Variants in GPHN observed in about 807,000 individuals in gnomAD.
The protein encoded by GPHN is gephyrin.
GPHN carries 17 observed loss-of-function variants against 95.5 expected under a neutral mutation model. The ratio of observed to expected loss-of-function variants is 0.18; its 90% CI spans 0.12 to 0.27. The LOEUF is 0.27. Among genes scored for constraint, GPHN ranks in the 10% least tolerant of loss-of-function variants. The pLI, the probability that GPHN is intolerant of heterozygous loss-of-function variation, is 1.00. For synonymous variants in GPHN, 320 were observed against 322.5 expected (o/e 0.99, Z 0.08); for missense variants, 660 against 978.1 (o/e 0.67, Z 4.34).
chr14:67,187,916 C>T, the GPHN span, among the ~76,000 whole-genome samples: 5 of 152,170 alleles, frequency 3.3e-5, no homozygotes, highest in African/African-American at 4.8e-5. Flanking sequence ...CTGAAATAAT[C>T]TGTTTACATG....
chr14:67,612,327 T>C, the GPHN span, among the ~76,000 whole-genome samples: 4 of 152,220 alleles, frequency 2.6e-5, no homozygotes, highest in Non-Finnish European at 5.9e-5. Flanking sequence ...TATGTAAATA[T>C]GTGCTGGGAG....
the GPHN span, among the ~76,000 whole-genome samples, chr14:67,306,096 A>G: frequency 1.3e-5 from 2 of 152,112 alleles, no homozygotes; most frequent in African/African-American, 4.8e-5. Context: ...CAGCCTCCCT[A>G]GTAGCTGAGA....
the GPHN span, among the ~76,000 whole-genome samples, chr14:67,427,463 C>A: frequency 6.6e-6 from 1 of 152,132 alleles, no homozygotes; most frequent in Non-Finnish European, 1.5e-5. Flanking sequence ...TGAAGCAGGC[C>A]ACCTTTGTCA....
At chr14:66,761,612 G>A (rs532969882) in intron 2 of GPHN, among the ~76,000 whole-genome samples, 66 of 151,958 alleles carry the variant, frequency 4.3e-4, no homozygotes, top group South Asian at 1.9e-3. Flanking sequence ...TCTTTGCCTG[G>A]AGTGACACTA....
chr14:67,513,257 C>T, the GPHN span, among the ~76,000 whole-genome samples: 1,377 of 152,318 alleles, frequency 9.0e-3, 9 homozygotes, highest in Middle Eastern at 0.048. Flanking sequence ...TTGGGACAAA[C>T]CAATAAAGCC....
At chr14:67,387,234 C>CAAAG in the GPHN span, 1 of 1,254,140 alleles carries the variant, frequency 8.0e-7, no homozygotes, top group African/African-American at 1.5e-5. Context: ...ACAAAACTTA[C>CAAAG]AAAGAAGTCA....
the GPHN span, chr14:67,201,548 G>A: frequency 6.6e-6 from 3 of 455,818 alleles, no homozygotes; most frequent in South Asian, 4.6e-5. Context: ...GTTTTCCAGG[G>A]TTGGAGGATA....
intron 3 of GPHN, among the ~76,000 whole-genome samples, chr14:66,784,679 T>C (rs2059711279): frequency 6.6e-6 from 1 of 152,188 alleles, no homozygotes; most frequent in Non-Finnish European, 1.5e-5. Context: ...TGGTAAGTTA[T>C]ATCTGTATAT....
the GPHN span, among the ~76,000 whole-genome samples, chr14:67,497,863 T>C: frequency 1.2e-3 from 184 of 152,012 alleles, 3 homozygotes; most frequent in East Asian, 0.026. Flanking sequence ...GGTGAGTCTA[T>C]GTAAAGGTTC....
chr14:67,726,364 A>G, the GPHN span, among the ~76,000 whole-genome samples: 1 of 152,180 alleles, frequency 6.6e-6, no homozygotes, highest in African/African-American at 2.4e-5. Context: ...AAGAAGCCCC[A>G]AATTTCAGGA....
chr14:67,671,177 T>G, the GPHN span, among the ~76,000 whole-genome samples: 1 of 152,186 alleles, frequency 6.6e-6, no homozygotes, highest in African/African-American at 2.4e-5. Flanking sequence ...TCTAGGGATA[T>G]GTATATATTT....
At chr14:66,888,922 C>A (rs1080053) in intron 5 of GPHN, among the ~76,000 whole-genome samples, 1 of 151,814 alleles carries the variant, frequency 6.6e-6, no homozygotes, top group Non-Finnish European at 1.5e-5. Context: ...CAAAAGCGAA[C>A]CATGGTGGCT....
At chr14:67,324,523 T>C in the GPHN span, among the ~76,000 whole-genome samples, 1 of 152,184 alleles carries the variant, frequency 6.6e-6, no homozygotes, top group Non-Finnish European at 1.5e-5. Flanking sequence ...TCCTTAAAGA[T>C]AGTCATTAAA....
At chr14:66,771,810 G>A (rs2059188226) in intron 2 of GPHN, among the ~76,000 whole-genome samples, 1 of 143,522 alleles carries the variant, frequency 7.0e-6, no homozygotes, top group South Asian at 2.2e-4. Flanking sequence ...GCACCTATGA[G>A]TGAGAATATG....
intron 11 of GPHN, among the ~76,000 whole-genome samples, chr14:67,069,650 G>A (rs752911275): frequency 6.6e-6 from 1 of 152,152 alleles, no homozygotes; most frequent in Non-Finnish European, 1.5e-5. Context: ...AAATAAAAAA[G>A]CTTACAGCTT....
the GPHN span, among the ~76,000 whole-genome samples, chr14:67,645,145 T>G: frequency 1.2e-4 from 18 of 152,156 alleles, no homozygotes; most frequent in African/African-American, 4.3e-4. Context: ...TGGTGAGTCG[T>G]TACCTATAGA....
At chr14:67,222,041 A>G in the GPHN span, 1 of 491,232 alleles carries the variant, frequency 2.0e-6, no homozygotes, top group Non-Finnish European at 3.5e-6. Context: ...TTACTACTTC[A>G]GTTTTCTTTT....
At chr14:67,221,787 G>A in the GPHN span, 1 of 1,613,320 alleles carries the variant, frequency 6.2e-7, no homozygotes. Context: ...AGGAGCTTGA[G>A]AACTGAATCA....
At chr14:67,339,708 C>T in the GPHN span, among the ~76,000 whole-genome samples, 1 of 152,190 alleles carries the variant, frequency 6.6e-6, no homozygotes, top group Non-Finnish European at 1.5e-5. Flanking sequence ...TTCTCCTGAA[C>T]ATGAAATACA....
Sources: gnomAD v4.1 joint callset for allele counts (sites outside exome capture counted in the v4.1 genomes callset) on GRCh38, gnomAD v4.1.1 for gene constraint, MANE v1.5 for transcripts, NCBI Gene and HGNC (gene_info 2026-07-23, HGNC 2026-07-21) for gene names.